CPAMD8: variants seen among roughly 807,000 people sequenced by gnomAD.
CPAMD8 encodes C3 and PZP-like alpha-2-macroglobulin domain-containing protein 8.
Under a neutral mutation model 224.7 loss-of-function variants are expected in CPAMD8, and 146 were observed. The ratio of observed to expected loss-of-function variants is 0.65; its 90% CI spans 0.57 to 0.75. The LOEUF (loss-of-function observed/expected upper bound fraction) is 0.75. CPAMD8 is among the 30% of genes least tolerant of loss of function. CPAMD8 has a pLI of 0.00. For missense variants in CPAMD8, 2,301 were observed against 2,537.5 expected, an observed-to-expected ratio of 0.91 and a Z score of 2.00; for synonymous variants, 966 against 1,044.6, an observed-to-expected ratio of 0.92 and a Z score of 1.45.
intron 22 of CPAMD8, among the ~76,000 whole-genome samples, chr19:16,942,293 C>G (rs2053924160): frequency 6.6e-6 from 1 of 152,102 alleles, no homozygotes; most frequent in African/African-American, 2.4e-5. Context: ...GAAACCCCGT[C>G]TCTACTAAAA....
chr19:16,914,889 AGCTCC>A, intron 27 of CPAMD8, 76 bp from the exon 28 acceptor site: 1 of 1,089,006 alleles, frequency 9.2e-7, no homozygotes, highest in Non-Finnish European at 1.3e-6. Context: ...GATTGCAGCA[AGCTCC>A]TGGCACCACC....
chr19:16,947,185 C>T lies in CPAMD8; in HGVS notation c.2551G>A (p.Gly851Arg), dbSNP rs1455755456. Residue 851 changes from glycine to arginine, a missense_variant, in exon 21 of 42, where the codon GGG (glycine) becomes AGG (arginine). Physicochemically the swap from Gly to Arg is moderately radical, Grantham distance 125. This residue lies in a region of CPAMD8 where 1,709 missense variants were observed against 1,753.2 expected (regional missense o/e 0.97). Coordinates refer to ENST00000443236, the MANE Select transcript of CPAMD8 (RefSeq NM_015692.5). Reference protein sequence around the residue: ...LSVPKGIQFVGHPGKRHVTKK... With the variant: ...LSVPKGIQFVRHPGKRHVTKK... ...GTCACATGGCGTTTGCCAGGATGCC[C>T]AACAAACTGGATGCCCTTGGGAACC... is the stretch of plus-strand genomic sequence containing the variant. 6.2e-7 allele frequency: 1 copy of T among 1,613,862 alleles called. No individual in the cohort carries two copies. The highest frequency in any genetic ancestry group is 1.1e-5 in the South Asian group (1 of 91,036).
At chr19:16,903,506 G>T in intron 34 of CPAMD8, 55 bp downstream of exon 34, 11 of 1,610,718 alleles carry the variant, frequency 6.8e-6, no homozygotes, top group Non-Finnish European at 9.3e-6. Context: ...TGATTGGAGG[G>T]AATGGGGCAC....
At position 17,023,233 on chromosome 19, in the gene CPAMD8, T is replaced by C. The variant is rs139742923; in HGVS notation, c.93-1052A>G. Among the ~76,000 whole-genome samples, 43 of 152,136 alleles carry C rather than the reference T, an allele frequency of 2.8e-4. No individual in the cohort carries two copies. In the East Asian group the frequency reaches 8.1e-3, roughly 29 times the overall value. On this transcript the variant is annotated intron_variant, in intron 1 of 41. Transcript: ENST00000443236. The stretch of plus-strand genomic sequence containing the variant: ...TTACCCCCAGTTTCCCCATGGGAAG[T>C]TGATGCTTCAGAAGAATAGGAACAT...
chr19:16,992,553 G>A (rs2055991672), intron 12 of CPAMD8, among the ~76,000 whole-genome samples: 1 of 152,144 alleles, frequency 6.6e-6, no homozygotes, highest in Non-Finnish European at 1.5e-5. Context: ...CCGGGTTCAA[G>A]CAATTCTCCT....
At position 16,968,330 on chromosome 19, in the gene CPAMD8, C is replaced by T. The variant is rs578073028; in HGVS notation, c.2213+2561G>A. 3.3e-5 allele frequency among the ~76,000 whole-genome samples: 5 copies of T among 152,240 alleles called. No homozygotes were observed. In the South Asian group the frequency reaches 1.0e-3, roughly 32 times the overall value. ...AACGTGTGGCCCCAGCAGGAAGAGCCTGGGGGACTGAAGCATCCAGGAGCC... is the reference window on the plus strand; with the variant it reads ...AACGTGTGGCCCCAGCAGGAAGAGCTTGGGGGACTGAAGCATCCAGGAGCC... On this transcript the variant is annotated intron_variant, in intron 18 of 41. Coordinates refer to ENST00000443236, the MANE Select transcript of CPAMD8 (RefSeq NM_015692.5).
intron 25 of CPAMD8, among the ~76,000 whole-genome samples, chr19:16,927,315 T>G (rs186831148): frequency 3.3e-5 from 5 of 152,194 alleles, no homozygotes; most frequent in South Asian, 4.2e-4. Context: ...CCCTTTCACT[T>G]GGCTCTCATT....
chr19:16,989,505 T>C lies in CPAMD8; in HGVS notation c.1395+138A>G. ...TTTCACCATGCTGGCCAGGCTGGTC[T>C]CGAAATCCTAACCTCCAGTGATCCG... On this transcript the variant is annotated intron_variant, in intron 13 of 41. Coordinates refer to ENST00000443236, the MANE Select transcript of CPAMD8 (RefSeq NM_015692.5). 3 of 1,050,932 alleles carry C rather than the reference T, an allele frequency of 2.9e-6. No individual in the cohort carries two copies. In the South Asian group the frequency reaches 4.9e-5, roughly 17 times the overall value. The allele number at this position is 1,050,932 out of a possible 1,614,324, so 65.1% of individuals were successfully genotyped here. A position where few individuals can be genotyped will look rare whatever the true frequency, so the allele number is the denominator to read the frequency against.
chr19:16,966,214 C>A (rs1010998004), intron 18 of CPAMD8, among the ~76,000 whole-genome samples: 5 of 152,112 alleles, frequency 3.3e-5, no homozygotes, highest in African/African-American at 4.8e-5. Context: ...TGATCTTTGA[C>A]AAACCTGACA....
Position 16,901,189 on chromosome 19 carries a change from TG to T in CPAMD8, c.4773+20del, listed in dbSNP as rs1157783461. 1.3e-6 allele frequency: 2 copies of T among 1,578,026 alleles called. No individual in the cohort carries two copies. The highest frequency in any genetic ancestry group is 1.7e-6 in the Non-Finnish European group (2 of 1,158,880). On this transcript the variant is annotated intron_variant, in intron 36 of 41. Coordinates refer to ENST00000443236, the MANE Select transcript of CPAMD8 (RefSeq NM_015692.5). The stretch of plus-strand genomic sequence containing the variant: ...TTGTTCAGAGATCCCTGCCCACCGC[TG>T]CTCACCGGCGCTGCCTCACCTGCTC...
At chr19:16,991,715 C>T (rs55917863) in intron 12 of CPAMD8, among the ~76,000 whole-genome samples, 209 of 151,914 alleles carry the variant, frequency 1.4e-3, no homozygotes, top group African/African-American at 4.9e-3. Context: ...ATTAGCTGGG[C>T]GTGGTGGGGG....
At chr19:16,924,770 G>A (rs1000252835) in intron 26 of CPAMD8, among the ~76,000 whole-genome samples, 1 of 151,836 alleles carries the variant, frequency 6.6e-6, no homozygotes, top group South Asian at 2.1e-4. Flanking sequence ...TTTTTGTAGA[G>A]ACCGGGGTCT....
At chr19:16,984,352 G>A (rs893651898) in intron 13 of CPAMD8, among the ~76,000 whole-genome samples, 22 of 142,222 alleles carry the variant, frequency 1.5e-4, no homozygotes, top group South Asian at 2.2e-4. Flanking sequence ...GAGAGAGAGA[G>A]AATGAATTTG....
chr19:16,957,578 C>T (rs2054511897), intron 19 of CPAMD8: 10 of 370,676 alleles, frequency 2.7e-5, no homozygotes, highest in South Asian at 2.1e-4. Flanking sequence ...TTAATGAGCT[C>T]GTTATACAAA....
rs2057093396 is a variant in CPAMD8 at position 17,026,690 on chromosome 19, G to C, written c.-48C>G. 3 of 1,333,312 alleles carry C rather than the reference G, an allele frequency of 2.3e-6. No homozygotes were observed. Among genetic ancestry groups the C allele is most frequent in the African/African-American group, 1.5e-5 (1 of 64,616 alleles). 82.6% of individuals were successfully genotyped at this position (1,333,312 alleles called of 1,614,324 possible). A position where few individuals can be genotyped will look rare whatever the true frequency, so the allele number is the denominator to read the frequency against. On this transcript the variant is annotated 5_prime_UTR_variant, in exon 1 of 42. Transcript: ENST00000443236. ...GCGCCTGGGGAGGGGGCCGGGCCAGGGCTGGGCCAGGGCCAGGGTCCGAGC... is the reference window on the plus strand; with the variant it reads ...GCGCCTGGGGAGGGGGCCGGGCCAGCGCTGGGCCAGGGCCAGGGTCCGAGC...
chr19:16,939,512 G>A (rs2053814431), intron 22 of CPAMD8, among the ~76,000 whole-genome samples: 1 of 152,052 alleles, frequency 6.6e-6, no homozygotes, highest in Admixed American at 6.6e-5. Context: ...CCCAGCCTAG[G>A]ATGGTCAATT....
At chr19:16,990,647 G>A (rs1045961957) in intron 12 of CPAMD8, among the ~76,000 whole-genome samples, 3 of 151,918 alleles carry the variant, frequency 2.0e-5, no homozygotes, top group Admixed American at 6.6e-5. Context: ...GGCAGATCAC[G>A]AGGTCAGGAG....
intron 24 of CPAMD8, 95 bp downstream of exon 24, chr19:16,928,847 T>C: frequency 9.8e-7 from 1 of 1,025,272 alleles, no homozygotes. Flanking sequence ...TTGCTCCTCC[T>C]GACCCTGGAT....
chr19:17,026,470 T>A, intron 1 of CPAMD8, 81 bp downstream of exon 1: 1 of 1,357,796 alleles, frequency 7.4e-7, no homozygotes, highest in Non-Finnish European at 9.5e-7. Flanking sequence ...CTTGGGCAGG[T>A]CGCTGCAACA....
Sources: gnomAD v4.1 joint callset for allele counts (sites outside exome capture counted in the v4.1 genomes callset) on GRCh38, gnomAD v4.1.1 for gene constraint, gnomAD v4.1.1 regional missense constraint, MANE v1.5 for transcripts, NCBI Gene and HGNC (gene_info 2026-07-23, HGNC 2026-07-21) for gene names.